The following CACNA1D variants were observed in gnomAD, a reference collection of about 807,000 sequenced individuals.
The protein encoded by CACNA1D is calcium voltage-gated channel subunit alpha1 D.
Under a neutral mutation model 257.1 loss-of-function variants are expected in CACNA1D, and 55 were observed. The ratio of observed to expected loss-of-function variants is 0.21; its 90% CI spans 0.17 to 0.27. The LOEUF is 0.27. Ranked by LOEUF, CACNA1D falls within the 10% of genes least tolerant of loss-of-function variation. CACNA1D has a pLI of 1.00. For synonymous variants in CACNA1D, 980 were observed against 1,014.9 expected, an observed-to-expected ratio of 0.97 and a Z score of 0.65; for missense variants, 1,876 against 2,784.0, an observed-to-expected ratio of 0.67 and a Z score of 7.34.
At chr3:53,806,187 C>T (rs1200351228) in intron 45 of CACNA1D, among the ~76,000 whole-genome samples, 1 of 47,978 alleles carries the variant, frequency 2.1e-5, no homozygotes, top group Non-Finnish European at 7.0e-5. Flanking sequence ...CCCTCCTCCT[C>T]CCTCCTCCCT....
At chr3:53,562,541 C>T (rs2092758733) in intron 3 of CACNA1D, among the ~76,000 whole-genome samples, 1 of 152,076 alleles carries the variant, frequency 6.6e-6, no homozygotes. Flanking sequence ...GTATAGTTTA[C>T]ATATCAAAAA....
At chr3:53,721,446 T>C (rs2094881994) in intron 11 of CACNA1D, among the ~76,000 whole-genome samples, 1 of 152,172 alleles carries the variant, frequency 6.6e-6, no homozygotes, top group Admixed American at 6.5e-5. Context: ...GGCTGACCTT[T>C]CCACGGGATC....
At chr3:53,507,084 A>AAAC (rs1553707846) in intron 3 of CACNA1D, among the ~76,000 whole-genome samples, 1 of 151,170 alleles carries the variant, frequency 6.6e-6, no homozygotes, top group Non-Finnish European at 1.5e-5. Context: ...AAAAAAAAAA[A>AAAC]AAAAAAAAAC....
At chr3:53,575,499 G>T (rs114054847) in intron 3 of CACNA1D, among the ~76,000 whole-genome samples, 1,843 of 152,220 alleles carry the variant, frequency 0.012, 38 homozygotes, top group African/African-American at 0.042. Flanking sequence ...TTTGTTGTTT[G>T]ACTTCCTGCT....
intron 7 of CACNA1D, among the ~76,000 whole-genome samples, chr3:53,672,004 C>G (rs538281765): frequency 6.6e-6 from 1 of 152,332 alleles, no homozygotes; most frequent in South Asian, 2.1e-4. Flanking sequence ...ACACCTCCTT[C>G]CTGGGAAAGG....
intron 3 of CACNA1D, among the ~76,000 whole-genome samples, chr3:53,533,146 T>C (rs967190335): frequency 6.6e-6 from 1 of 152,244 alleles, no homozygotes; most frequent in African/African-American, 2.4e-5. Context: ...TCCCCTTTTG[T>C]CTTGGCTTCA....
Position 53,791,103 on chromosome 3 carries a change from A to G in CACNA1D, c.4923+4151A>G, listed in dbSNP as rs906824475. 2.0e-5 allele frequency: 14 copies of G among 695,194 alleles called. No individual in the cohort carries two copies. In the African/African-American group the frequency reaches 2.5e-4, roughly 12 times the overall value. The allele number at this position is 695,194 out of a possible 1,614,324, so 43.1% of individuals were successfully genotyped here. On this transcript the variant is annotated intron_variant, in intron 40 of 47. Coordinates refer to ENST00000350061, the MANE Select transcript of CACNA1D (RefSeq NM_001128840.3). The stretch of plus-strand genomic sequence containing the variant: ...CTCAAGTGGGCTTATTTCTACTGAA[A>G]CAGCATTTCAGAAGAAATGCAGGAA...
chr3:53,661,034 G>A (rs2094198995), intron 5 of CACNA1D, among the ~76,000 whole-genome samples: 1 of 152,248 alleles, frequency 6.6e-6, no homozygotes, highest in African/African-American at 2.4e-5. Context: ...TAGATGCCCT[G>A]TCTGTGCCCT....
chr3:53,532,436 G>A (rs910147082), intron 3 of CACNA1D, among the ~76,000 whole-genome samples: 2 of 152,206 alleles, frequency 1.3e-5, no homozygotes, highest in African/African-American at 4.8e-5. Context: ...CCACTGAGGT[G>A]TAAACAGAGG....
rs377296367 is a variant in CACNA1D, at chr3:53,691,907, T to A, written c.1221-10734T>A. ...TATATATTATATATATTACATATAT[T>A]ATATATAATATATATTATATATATT... On this transcript the variant is annotated intron_variant, in intron 8 of 47. Coordinates refer to ENST00000350061, the MANE Select transcript of CACNA1D (RefSeq NM_001128840.3). 1.1e-4 allele frequency among the ~76,000 whole-genome samples: 5 copies of A among 44,208 alleles called. 1 individual carries two copies. The Admixed American group carries it at 1.6e-3, about 14-fold the overall frequency. The allele number at this position is 44,208 out of a possible 152,430, so 29.0% of individuals were successfully genotyped here.
At chr3:53,664,889 TG>T (rs922421658) in intron 5 of CACNA1D, among the ~76,000 whole-genome samples, 3 of 152,234 alleles carry the variant, frequency 2.0e-5, no homozygotes, top group Non-Finnish European at 4.4e-5. Flanking sequence ...CACATTTTAC[TG>T]GGTAAAGGAG....
chr3:53,564,356 TC>T (rs374093101), intron 3 of CACNA1D, among the ~76,000 whole-genome samples: 6 of 152,192 alleles, frequency 3.9e-5, no homozygotes, highest in African/African-American at 1.2e-4. Context: ...ATACAGGGTT[TC>T]CCCATGTTGG....
intron 9 of CACNA1D, among the ~76,000 whole-genome samples, chr3:53,716,427 A>G (rs1559560157): frequency 1.3e-5 from 2 of 152,216 alleles, no homozygotes; most frequent in Non-Finnish European, 2.9e-5. Flanking sequence ...TCTTTGTTGG[A>G]TTTAACAACC....
chr3:53,720,667 C>T (rs940645596), intron 11 of CACNA1D, among the ~76,000 whole-genome samples: 3 of 152,126 alleles, frequency 2.0e-5, no homozygotes, highest in South Asian at 2.1e-4. Flanking sequence ...TCAGTTGTTA[C>T]AAAAATGCAC....
rs547615197 is a variant in CACNA1D at position 53,740,261 on chromosome 3, C to T, written c.2752-19C>T. 6.3e-7 allele frequency: 1 copy of T among 1,584,806 alleles called. No homozygotes were observed. The highest frequency in any genetic ancestry group is 2.2e-5 in the East Asian group (1 of 44,724). On this transcript the variant is annotated intron_variant, in intron 20 of 47. Coordinates refer to ENST00000350061, the MANE Select transcript of CACNA1D (RefSeq NM_001128840.3). Reference sequence around the variant, plus strand: ...TTGTCTGAATTCCTTTTCTCACTCCCACATGTTGTGCCTTGCAGATACTGG... The same window carrying T: ...TTGTCTGAATTCCTTTTCTCACTCCTACATGTTGTGCCTTGCAGATACTGG...
intron 10 of CACNA1D, 23 bp downstream of exon 10, chr3:53,718,411 C>T (rs766648666): frequency 6.3e-7 from 1 of 1,594,994 alleles, no homozygotes; most frequent in South Asian, 1.1e-5. Context: ...AGCACTTGCC[C>T]TCTTTCCCCT....
intron 4 of CACNA1D, among the ~76,000 whole-genome samples, chr3:53,657,653 G>A (rs2108312314): frequency 6.6e-6 from 1 of 152,280 alleles, no homozygotes; most frequent in South Asian, 2.1e-4. Context: ...AAATATGTAT[G>A]AAATTGGAGT....
At chr3:53,696,885 A>G (rs1395091518) in intron 8 of CACNA1D, among the ~76,000 whole-genome samples, 3 of 152,154 alleles carry the variant, frequency 2.0e-5, no homozygotes. Context: ...GAGGGAGGCA[A>G]CAAGGAGCTG....
chr3:53,774,285 T>C lies in CACNA1D; in HGVS notation c.4111-302T>C. ...TGAGCCTGTCTCACGCTTCCCTGTG[T>C]GTCTGGACCACCCCAGCATCATCAC... On this transcript the variant is annotated intron_variant, in intron 33 of 47. Coordinates refer to ENST00000350061, the MANE Select transcript of CACNA1D (RefSeq NM_001128840.3). This position sits in a 1 kb window ranked among gnomAD's most constrained non-coding sequence, Gnocchi z 4.3. 2.6e-6 allele frequency: 1 copy of C among 384,408 alleles called. No homozygotes were observed. Among genetic ancestry groups the C allele is most frequent in the South Asian group, 2.5e-5 (1 of 39,858 alleles). 23.8% of individuals were successfully genotyped at this position (384,408 alleles called of 1,614,324 possible). A position where few individuals can be genotyped will look rare whatever the true frequency, so the allele number is the denominator to read the frequency against.
Sources: allele counts gnomAD v4.1 joint callset (sites outside exome capture counted in the v4.1 genomes callset), GRCh38; gene constraint gnomAD v4.1.1; non-coding constraint Gnocchi (gnomAD v3.1); transcripts MANE v1.5; gene names NCBI Gene and HGNC (gene_info 2026-07-23, HGNC 2026-07-21).